The following CCSER1 variants were observed in gnomAD, a reference collection of about 807,000 sequenced individuals.
The protein encoded by CCSER1 is coiled-coil serine rich protein 1, also known as serine-rich coiled-coil domain-containing protein 1.
A neutral mutation model predicts 82.0 loss-of-function variants in CCSER1; 41 were observed. That is an observed-to-expected ratio of 0.50 (90% CI 0.39 to 0.65). The LOEUF is 0.65. Ranked by LOEUF, CCSER1 falls within the 30% of genes least tolerant of loss-of-function variation. CCSER1 has a pLI of 0.00. For missense variants in CCSER1, 1,119 were observed against 1,064.2 expected (o/e 1.05, Z -0.72); for synonymous variants, 414 against 383.9 (o/e 1.08, Z -0.92).
At chr4:91,014,658 T>C (rs577569512) in intron 9 of CCSER1, among the ~76,000 whole-genome samples, 1 of 82,696 alleles carries the variant, frequency 1.2e-5, no homozygotes, top group East Asian at 5.1e-4. Context: ...TTCTTATTTT[T>C]TGACAAAGTC....
At chr4:90,593,805 T>C (rs1782992126) in intron 5 of CCSER1, among the ~76,000 whole-genome samples, 1 of 152,028 alleles carries the variant, frequency 6.6e-6, no homozygotes, top group Non-Finnish European at 1.5e-5. Flanking sequence ...TTGCATATTA[T>C]AATTTCTTCT....
chr4:91,497,683 C>T (rs1368777728), intron 10 of CCSER1, among the ~76,000 whole-genome samples: 2 of 151,578 alleles, frequency 1.3e-5, no homozygotes, highest in African/African-American at 4.8e-5. Context: ...GTATTAAAAT[C>T]GAAATTAGGA....
intron 10 of CCSER1, among the ~76,000 whole-genome samples, chr4:91,460,949 A>G (rs1756468285): frequency 6.6e-6 from 1 of 152,100 alleles, no homozygotes; most frequent in African/African-American, 2.4e-5. Flanking sequence ...TCAAAGGATA[A>G]AAAAAATCCC....
At chr4:90,640,568 C>G (rs1215113776) in intron 6 of CCSER1, among the ~76,000 whole-genome samples, 2 of 152,186 alleles carry the variant, frequency 1.3e-5, no homozygotes, top group Non-Finnish European at 2.9e-5. Context: ...TATGATTAGG[C>G]TTTACGTCCC....
chr4:91,335,808 AT>A (rs142804998), intron 10 of CCSER1, among the ~76,000 whole-genome samples: 1 of 151,750 alleles, frequency 6.6e-6, no homozygotes, highest in South Asian at 2.1e-4. Context: ...GTTGACTAGG[AT>A]TTTTTTTAGA....
rs2110365987 is a variant in CCSER1, at chr4:91,600,980, T to C, written c.*1923T>C. On this transcript the variant is annotated 3_prime_UTR_variant, in exon 11 of 11. Coordinates refer to ENST00000509176, the MANE Select transcript of CCSER1 (RefSeq NM_001145065.2). ...AAGAAATGATAGGAAAATAGAAAAA[T>C]CATGATTATTAATTGTGGAATTCAG... 6.6e-6 allele frequency: 1 copy of C among 152,166 alleles called. No homozygotes were observed. The allele number at this position is 152,166 out of a possible 1,614,324, so 9.4% of individuals were successfully genotyped here.
At chr4:91,466,614 C>G (rs144918584) in intron 10 of CCSER1, among the ~76,000 whole-genome samples, 3,590 of 152,252 alleles carry the variant, frequency 0.024, 162 homozygotes, top group African/African-American at 0.082. Context: ...CCCATCATCT[C>G]AGCCCAAAAT....
chr4:91,488,247 CTG>C (rs1284089143), intron 10 of CCSER1, among the ~76,000 whole-genome samples: 2 of 152,100 alleles, frequency 1.3e-5, no homozygotes, highest in Non-Finnish European at 2.9e-5. Context: ...ATTTTCCACT[CTG>C]TTCTTTTTCA....
chr4:90,615,770 A>G (rs978090775), intron 5 of CCSER1, among the ~76,000 whole-genome samples: 4 of 152,100 alleles, frequency 2.6e-5, no homozygotes, highest in Non-Finnish European at 5.9e-5. Flanking sequence ...AATATTACCT[A>G]AACTTAGTGG....
intron 3 of CCSER1, among the ~76,000 whole-genome samples, chr4:90,324,109 G>A (rs1737681362): frequency 6.7e-6 from 1 of 149,456 alleles, no homozygotes; most frequent in Non-Finnish European, 1.5e-5. Flanking sequence ...TTGCTATTGT[G>A]AATAGTGCCG....
chr4:91,035,944 G>T (rs1458377631), intron 9 of CCSER1, among the ~76,000 whole-genome samples: 1 of 152,174 alleles, frequency 6.6e-6, no homozygotes, highest in African/African-American at 2.4e-5. Flanking sequence ...ATCACCACTT[G>T]GCTGGCTATT....
chr4:90,536,409 T>G (rs1289429387), intron 5 of CCSER1, among the ~76,000 whole-genome samples: 1 of 152,192 alleles, frequency 6.6e-6, no homozygotes, highest in Non-Finnish European at 1.5e-5. Context: ...ATTTGCAAGA[T>G]AGCAGGGAGG....
chr4:90,437,742 A>G (rs1205866693), intron 4 of CCSER1, among the ~76,000 whole-genome samples: 1 of 152,182 alleles, frequency 6.6e-6, no homozygotes, highest in African/African-American at 2.4e-5. Flanking sequence ...GTTCCAATGT[A>G]CTAATATGAT....
intron 7 of CCSER1, among the ~76,000 whole-genome samples, chr4:90,762,009 G>C (rs1237602021): frequency 1.3e-5 from 2 of 152,092 alleles, no homozygotes; most frequent in Non-Finnish European, 2.9e-5. Flanking sequence ...AACATATAAA[G>C]AAAGTAATTT....
At chr4:91,167,488 A>G (rs1435037245) in intron 10 of CCSER1, among the ~76,000 whole-genome samples, 1 of 152,204 alleles carries the variant, frequency 6.6e-6, no homozygotes, top group Non-Finnish European at 1.5e-5. Flanking sequence ...CCGGCCAAGA[A>G]TTGCAATACT....
chr4:90,849,548 G>A (rs1042199100), intron 8 of CCSER1, among the ~76,000 whole-genome samples: 10 of 152,066 alleles, frequency 6.6e-5, no homozygotes. Context: ...CCAGCACTTT[G>A]GGAGGCTGAG....
intron 10 of CCSER1, among the ~76,000 whole-genome samples, chr4:91,200,475 G>A (rs528090580): frequency 1.3e-5 from 2 of 151,094 alleles, no homozygotes; most frequent in Non-Finnish European, 3.0e-5. Context: ...GACTTGTAGT[G>A]GGGGGCCACA....
chr4:91,384,582 TGAGA>T (rs1282150825), intron 10 of CCSER1, among the ~76,000 whole-genome samples: 2 of 151,994 alleles, frequency 1.3e-5, no homozygotes. Context: ...TAAAAATGGT[TGAGA>T]GAATTAAATG....
At chr4:90,536,639 T>G (rs1775405392) in intron 5 of CCSER1, among the ~76,000 whole-genome samples, 1 of 152,224 alleles carries the variant, frequency 6.6e-6, no homozygotes, top group South Asian at 2.1e-4. Flanking sequence ...TAATGGCAAG[T>G]ACATTGGCCT....
Sources: allele counts gnomAD v4.1 joint callset (sites outside exome capture counted in the v4.1 genomes callset), GRCh38; gene constraint gnomAD v4.1.1; transcripts MANE v1.5; gene names NCBI Gene and HGNC (gene_info 2026-07-23, HGNC 2026-07-21).